Variants in CRK observed in about 807,000 individuals in gnomAD.
The protein encoded by CRK is adapter molecule crk.
Under a neutral mutation model 29.8 loss-of-function variants are expected in CRK, and 4 were observed. The ratio of observed to expected loss-of-function variants is 0.13; its 90% confidence interval spans 0.07 to 0.31. CRK has a LOEUF of 0.31. CRK is among the 10% of genes least tolerant of loss of function. CRK has a pLI of 1.00. For missense variants in CRK, 274 were observed against 396.5 expected (o/e 0.69, Z 2.62); for synonymous variants, 153 against 164.9 (o/e 0.93, Z 0.55).
intron 1 of CRK, among the ~76,000 whole-genome samples, chr17:1,444,794 T>C (rs1219761417): frequency 4.6e-4 from 64 of 137,710 alleles, no homozygotes; most frequent in Non-Finnish European, 7.0e-4. Context: ...GATCGCACCA[T>C]TGCACTCCAG....
chr17:1,440,355 T>C (rs1484415991), intron 1 of CRK, among the ~76,000 whole-genome samples: 1 of 151,150 alleles, frequency 6.6e-6, no homozygotes, highest in Non-Finnish European at 1.5e-5. Context: ...TTGCAGCTAC[T>C]TGGGAGGCTG....
chr17:1,449,474 C>G (rs2074001907), intron 1 of CRK, among the ~76,000 whole-genome samples: 1 of 152,114 alleles, frequency 6.6e-6, no homozygotes. Context: ...TTCCAACAAC[C>G]CTATGAGATC....
Position 1,456,196 on chromosome 17 carries a change from C to T in CRK, c.-79G>A. On this transcript the variant is annotated 5_prime_UTR_variant, in exon 1 of 3. Transcript: ENST00000300574. ...CCCCCGGCGCCCGCCGCCCAGCGGA[C>T]CGGCTCCGGTTTCAGCTTCACAGCA... The T allele has an allele frequency of 7.4e-7, 1 of 1,354,574 alleles. No homozygotes were observed. The highest frequency in any genetic ancestry group is 9.4e-7 in the Non-Finnish European group (1 of 1,058,620). 83.9% of individuals were successfully genotyped at this position (1,354,574 alleles called of 1,614,324 possible).
chr17:1,434,557 T>G (rs2073872979), intron 2 of CRK, among the ~76,000 whole-genome samples: 1 of 151,800 alleles, frequency 6.6e-6, no homozygotes, highest in South Asian at 2.1e-4. Context: ...CTGAGGCGGG[T>G]GGATCACCTG....
intron 1 of CRK, among the ~76,000 whole-genome samples, chr17:1,447,031 C>T (rs2073980736): frequency 6.6e-6 from 1 of 152,188 alleles, no homozygotes; most frequent in Admixed American, 6.6e-5. Flanking sequence ...ATGCCCGTTT[C>T]TGTGAACTGC....
At chr17:1,451,555 G>C (rs957555753) in intron 1 of CRK, among the ~76,000 whole-genome samples, 1 of 151,858 alleles carries the variant, frequency 6.6e-6, no homozygotes, top group Non-Finnish European at 1.5e-5. Context: ...CTTTAATTCT[G>C]GTCTTTAAAA....
At chr17:1,430,871 T>G (rs1224650135) in intron 2 of CRK, among the ~76,000 whole-genome samples, 4 of 150,938 alleles carry the variant, frequency 2.7e-5, no homozygotes, top group East Asian at 4.0e-4. Flanking sequence ...ATCGAGACCA[T>G]CCTGGCTAAC....
At chr17:1,444,293 C>A (rs1244826260) in intron 1 of CRK, among the ~76,000 whole-genome samples, 1 of 152,130 alleles carries the variant, frequency 6.6e-6, no homozygotes, top group Non-Finnish European at 1.5e-5. Context: ...ACCACCACGC[C>A]CAGCTAAAGA....
At chr17:1,450,721 TAAA>T (rs1598305875) in intron 1 of CRK, among the ~76,000 whole-genome samples, 1 of 151,200 alleles carries the variant, frequency 6.6e-6, no homozygotes, top group African/African-American at 2.4e-5. Flanking sequence ...CCGTCTGTAC[TAAA>T]AATACAAAAA....
At position 1,450,745 on chromosome 17, in the gene CRK, G is replaced by A. The variant is rs918225431; in HGVS notation, c.241+5132C>T. ...CTAAAAATACAAAAAAATTGGCTGG[G>A]CATGGTGGCGCATGCCTGTAATCCC... is the stretch of plus-strand genomic sequence containing the variant. On this transcript the variant is annotated intron_variant, in intron 1 of 2. Transcript: ENST00000300574. Among the ~76,000 whole-genome samples, 3 of 152,006 alleles carry A rather than the reference G, an allele frequency of 2.0e-5. No individual in the cohort carries two copies. The South Asian group carries it at 6.2e-4, about 31-fold the overall frequency.
In CRK at chr17:1,423,419, T is replaced by G; in HGVS notation, c.*94A>C. On this transcript the variant is annotated 3_prime_UTR_variant, in exon 3 of 3. Coordinates refer to ENST00000300574, the MANE Select transcript of CRK (RefSeq NM_016823.4). ...AACAGAATGCTTATATAAACTAGAC[T>G]GCTTTTGACATCTGTAAGAAAATTG... 1 of 1,463,106 alleles carries G rather than the reference T, an allele frequency of 6.8e-7. No individual in the cohort carries two copies. Among genetic ancestry groups the G allele is most frequent in the Non-Finnish European group, 9.3e-7 (1 of 1,080,702 alleles). 90.6% of individuals were successfully genotyped at this position (1,463,106 alleles called of 1,614,324 possible). A position where few individuals can be genotyped will look rare whatever the true frequency, so the allele number is the denominator to read the frequency against.
chr17:1,455,289 G>T (rs1262557496), intron 1 of CRK, among the ~76,000 whole-genome samples: 2 of 152,062 alleles, frequency 1.3e-5, no homozygotes, highest in Non-Finnish European at 2.9e-5. Flanking sequence ...CACCACCTTC[G>T]TCCTCCACGG....
At chr17:1,447,155 TTC>T (rs10599004) in intron 1 of CRK, among the ~76,000 whole-genome samples, 103,885 of 151,564 alleles carry the variant, frequency 0.69, 35,705 homozygotes, top group Admixed American at 0.73. Flanking sequence ...CCGGCTCCTT[TTC>T]TCTCTTTCCT....
At chr17:1,425,083 A>T (rs1467037924) in intron 2 of CRK, among the ~76,000 whole-genome samples, 1 of 151,920 alleles carries the variant, frequency 6.6e-6, no homozygotes, top group Admixed American at 6.6e-5. Context: ...AATGAAATAT[A>T]AAGGTTTTTT....
At chr17:1,430,413 G>A (rs1344611538) in intron 2 of CRK, among the ~76,000 whole-genome samples, 1 of 150,600 alleles carries the variant, frequency 6.6e-6, no homozygotes, top group Non-Finnish European at 1.5e-5. Context: ...CTGGAGTGCA[G>A]TGGCGCGATC....
intron 2 of CRK, among the ~76,000 whole-genome samples, chr17:1,429,404 C>T (rs898812327): frequency 6.6e-6 from 1 of 151,600 alleles, no homozygotes; most frequent in African/African-American, 2.4e-5. Flanking sequence ...CTCCCAAGGA[C>T]CTGGGATTAT....
In CRK at chr17:1,422,916, A is replaced by C. The variant is rs2073741837; in HGVS notation, c.*597T>G. The stretch of plus-strand genomic sequence containing the variant: ...TGGGGGACAAGAATGTCAAGGGCTA[A>C]AAGAATCCCAAGAAAAAGTATGAAG... On this transcript the variant is annotated 3_prime_UTR_variant, in exon 3 of 3. Coordinates refer to ENST00000300574, the MANE Select transcript of CRK (RefSeq NM_016823.4). The C allele has an allele frequency of 1.8e-5, 7 of 398,908 alleles. No homozygotes were observed. The Admixed American group carries it at 2.2e-4, about 13-fold the overall frequency. 24.7% of individuals were successfully genotyped at this position (398,908 alleles called of 1,614,324 possible). A position where few individuals can be genotyped will look rare whatever the true frequency, so the allele number is the denominator to read the frequency against.
Position 1,455,863 on chromosome 17 carries a change from C to A in CRK, c.241+14G>T, listed in dbSNP as rs772569636. 7 of 1,559,290 alleles carry A rather than the reference C, an allele frequency of 4.5e-6. No homozygotes were observed. In the Admixed American group the frequency reaches 1.1e-4, roughly 25 times the overall value. On this transcript the variant is annotated intron_variant, in intron 1 of 2. Coordinates refer to ENST00000300574, the MANE Select transcript of CRK (RefSeq NM_016823.4). ...TCACCCCGCCCAGGGCCCGCCGTCC[C>A]GTCAGTCCCTCACCGGGCGGAGGCT...
intron 1 of CRK, among the ~76,000 whole-genome samples, chr17:1,437,887 A>G (rs2073899896): frequency 6.6e-6 from 1 of 150,948 alleles, no homozygotes; most frequent in Non-Finnish European, 1.5e-5. Context: ...GCTGGTCTCA[A>G]ACTCCTGATC....
Sources: gnomAD v4.1 joint callset for allele counts (sites outside exome capture counted in the v4.1 genomes callset) on GRCh38, gnomAD v4.1.1 for gene constraint, MANE v1.5 for transcripts, NCBI Gene and HGNC (gene_info 2026-07-23, HGNC 2026-07-21) for gene names.